The following SATB2 variants were observed in gnomAD, a reference collection of about 807,000 sequenced individuals.
The protein encoded by SATB2 is SATB homeobox 2.
In SATB2, 1 loss-of-function variant was observed where a neutral mutation model predicts 73.4. The observed-to-expected ratio is 0.01, with a 90% CI of 0.00 to 0.06. The LOEUF is 0.06. Ranked by LOEUF, SATB2 falls within the 10% of genes least tolerant of loss-of-function variation. SATB2 has a pLI of 1.00. For synonymous variants in SATB2, 397 were observed against 367.0 expected (o/e 1.08, Z -0.93); for missense variants, 459 against 945.8 (o/e 0.49, Z 6.75).
chr2:199,375,414 G>C (rs573014276), intron 5 of SATB2, among the ~76,000 whole-genome samples: 53 of 152,276 alleles, frequency 3.5e-4, no homozygotes, highest in Non-Finnish European at 4.6e-4. Flanking sequence ...ACCACAATCT[G>C]TACTTTCCAA....
chr2:199,395,462 A>G (rs578178158), intron 3 of SATB2, among the ~76,000 whole-genome samples: 1 of 152,176 alleles, frequency 6.6e-6, no homozygotes, highest in Non-Finnish European at 1.5e-5. Context: ...ACATTTCTTT[A>G]TCAGTTTGTG....
At chr2:199,435,563 C>T (rs186506146) in intron 2 of SATB2, among the ~76,000 whole-genome samples, 8 of 152,160 alleles carry the variant, frequency 5.3e-5, no homozygotes, top group Non-Finnish European at 7.4e-5. Context: ...AGGCTGGTCT[C>T]GAACTCCTAA....
At chr2:199,424,472 T>C (rs1691269261) in intron 3 of SATB2, among the ~76,000 whole-genome samples, 1 of 152,184 alleles carries the variant, frequency 6.6e-6, no homozygotes, top group African/African-American at 2.4e-5. Flanking sequence ...TTGAACTAAG[T>C]AATAAATAAA....
chr2:199,444,749 T>G (rs1691914512), intron 2 of SATB2, among the ~76,000 whole-genome samples: 1 of 152,122 alleles, frequency 6.6e-6, no homozygotes, highest in African/African-American at 2.4e-5. Context: ...ACCCAAGAGG[T>G]AAGAGCTACT....
chr2:199,284,487 C>T (rs1251563586), intron 10 of SATB2, among the ~76,000 whole-genome samples: 2 of 152,046 alleles, frequency 1.3e-5, no homozygotes, highest in Non-Finnish European at 2.9e-5. Context: ...ATATTTTTTC[C>T]TATTGTAATT....
In SATB2 at chr2:199,309,817, C is replaced by A. The variant is rs76114801; in HGVS notation, c.1543-860G>T. 7.6e-3 allele frequency among the ~76,000 whole-genome samples: 1,160 copies of A among 152,282 alleles called. 13 individuals carry two copies. The highest frequency in any genetic ancestry group is 0.026 in the African/African-American group (1,089 of 41,550). On this transcript the variant is annotated intron_variant, in intron 9 of 10. Transcript: ENST00000417098. ...AAACAAGAACTGTCCCACATCATGT[C>A]TCTTGCAAAAGAGTAAAAAAATGTT...
chr2:199,419,930 G>T (rs1248362403), intron 3 of SATB2, among the ~76,000 whole-genome samples: 1 of 152,170 alleles, frequency 6.6e-6, no homozygotes, highest in African/African-American at 2.4e-5. Context: ...AAAAGAGAGA[G>T]AAATATTTAG....
intron 3 of SATB2, among the ~76,000 whole-genome samples, chr2:199,418,825 T>C (rs1430711046): frequency 6.6e-6 from 1 of 152,174 alleles, no homozygotes; most frequent in Non-Finnish European, 1.5e-5. Flanking sequence ...AAAGAGACTA[T>C]GATCTGCTGT....
At chr2:199,292,591 G>T (rs1270255271) in intron 10 of SATB2, among the ~76,000 whole-genome samples, 1 of 152,184 alleles carries the variant, frequency 6.6e-6, no homozygotes, top group Non-Finnish European at 1.5e-5. Context: ...TAAAGAGATG[G>T]CTAAAGGGAT....
At chr2:199,436,908 A>AAAAG (rs1691668737) in intron 2 of SATB2, among the ~76,000 whole-genome samples, 1 of 151,102 alleles carries the variant, frequency 6.6e-6, no homozygotes, top group Non-Finnish European at 1.5e-5. Context: ...AAAAGAGGGA[A>AAAAG]AAAGAAAGAA....
At chr2:199,279,061 T>TA (rs1193521108) in intron 10 of SATB2, among the ~76,000 whole-genome samples, 1 of 152,216 alleles carries the variant, frequency 6.6e-6, no homozygotes, top group East Asian at 1.9e-4. Flanking sequence ...AAAAGTCTAG[T>TA]AAGTTTCTTA....
At position 199,368,669 on chromosome 2, in the gene SATB2, G is replaced by T; in HGVS notation, c.636C>A (p.Ala212=). The part of the protein sequence containing the change: ...ISSIVNSTYY[A]NVSATKCQEF... ...CCTGGCACTTGGTTGCTGACACATT[G>T]GCATAATATGTGCTATTTACAATGG... Residue 212 remains alanine, a synonymous_variant, in exon 6 of 11, where the codon GCC becomes GCA. Coordinates refer to ENST00000417098, the MANE Select transcript of SATB2 (RefSeq NM_001172509.2). 1 of 1,608,852 alleles carries T rather than the reference G, an allele frequency of 6.2e-7. No homozygotes were observed. Among genetic ancestry groups the T allele is most frequent in the Non-Finnish European group, 8.5e-7 (1 of 1,176,004 alleles).
intron 9 of SATB2, among the ~76,000 whole-genome samples, chr2:199,323,476 T>TACAC (rs1553546876): frequency 1.7e-3 from 242 of 142,838 alleles, no homozygotes; most frequent in African/African-American, 6.1e-3. Context: ...GTTTTGTTCA[T>TACAC]ACACACACAC....
At chr2:199,381,509 G>A (rs1689774421) in intron 4 of SATB2, among the ~76,000 whole-genome samples, 185 bp downstream of exon 4, 1 of 152,192 alleles carries the variant, frequency 6.6e-6, no homozygotes, top group Admixed American at 6.5e-5. Context: ...GTTGGAATGT[G>A]ACTATAAAGA....
intron 9 of SATB2, among the ~76,000 whole-genome samples, chr2:199,319,465 G>A (rs765402747): frequency 3.3e-5 from 5 of 151,952 alleles, no homozygotes; most frequent in Non-Finnish European, 5.9e-5. Context: ...TCACCATCTG[G>A]GGTTTAAAAC....
At chr2:199,370,705 G>T (rs1282500037) in intron 5 of SATB2, among the ~76,000 whole-genome samples, 1 of 151,998 alleles carries the variant, frequency 6.6e-6, no homozygotes, top group East Asian at 1.9e-4. Flanking sequence ...CCCTCTCTTT[G>T]TCCTTGCTCC....
chr2:199,362,146 T>C (rs987136933), intron 6 of SATB2, among the ~76,000 whole-genome samples: 7 of 152,188 alleles, frequency 4.6e-5, no homozygotes, highest in African/African-American at 1.7e-4. Context: ...GAGCACCTGT[T>C]ATATTATAGT....
intron 7 of SATB2, among the ~76,000 whole-genome samples, chr2:199,341,734 G>A (rs1688511284): frequency 6.6e-6 from 1 of 152,118 alleles, no homozygotes; most frequent in South Asian, 2.1e-4. Flanking sequence ...TAAAACTATA[G>A]ATAGGTTTTA....
At chr2:199,348,495 C>T (rs1688719350) in intron 7 of SATB2, 2 of 601,300 alleles carry the variant, frequency 3.3e-6, no homozygotes, top group Admixed American at 5.8e-5. Flanking sequence ...ATGTCCATTA[C>T]CTCATCAAAA....
Sources: gnomAD v4.1 joint callset for allele counts (sites outside exome capture counted in the v4.1 genomes callset) on GRCh38, gnomAD v4.1.1 for gene constraint, MANE v1.5 for transcripts, NCBI Gene and HGNC (gene_info 2026-07-23, HGNC 2026-07-21) for gene names.